BICC1: variants seen among roughly 807,000 people sequenced by gnomAD.
The protein encoded by BICC1 is protein bicaudal C homolog 1.
BICC1 carries 43 observed loss-of-function variants against 111.0 expected under a neutral mutation model. The observed-to-expected ratio is 0.39, with a 90% CI of 0.30 to 0.50. The LOEUF is 0.50. Ranked by LOEUF, BICC1 falls within the 20% of genes least tolerant of loss-of-function variation. BICC1 has a pLI of 0.88. For synonymous variants in BICC1, 467 were observed against 434.4 expected (o/e 1.07, Z -0.93); for missense variants, 1,091 against 1,203.2 (o/e 0.91, Z 1.38).
chr10:58,686,224 C>G (rs189319425), intron 2 of BICC1, among the ~76,000 whole-genome samples: 1 of 152,142 alleles, frequency 6.6e-6, no homozygotes, highest in Non-Finnish European at 1.5e-5. Flanking sequence ...GAGTTTCTGC[C>G]GAGAGATCTG....
Position 58,645,356 on chromosome 10 carries a change from G to A in BICC1, c.237+24455G>A, listed in dbSNP as rs1046976302. ...CGGGAGGCGGAGCTTGCAGTGAGCCGAGATCGCGCCACTGCGCTCCAGCCT... is the reference window on the plus strand; with the variant it reads ...CGGGAGGCGGAGCTTGCAGTGAGCCAAGATCGCGCCACTGCGCTCCAGCCT... On this transcript the variant is annotated intron_variant, in intron 2 of 20. Coordinates refer to ENST00000373886, the MANE Select transcript of BICC1 (RefSeq NM_001080512.3). Among the ~76,000 whole-genome samples, 7 of 135,914 alleles carry A rather than the reference G, an allele frequency of 5.2e-5. No individual in the cohort carries two copies. In the Middle Eastern group the frequency reaches 0.015, roughly 288 times the overall value. The allele number at this position is 135,914 out of a possible 152,430, so 89.2% of individuals were successfully genotyped here. A position where few individuals can be genotyped will look rare whatever the true frequency, so the allele number is the denominator to read the frequency against.
intron 2 of BICC1, among the ~76,000 whole-genome samples, chr10:58,698,133 C>G (rs966652216): frequency 6.6e-6 from 1 of 152,222 alleles, no homozygotes; most frequent in African/African-American, 2.4e-5. Context: ...TGTGTAATCA[C>G]TGCACTGGCC....
intron 3 of BICC1, among the ~76,000 whole-genome samples, chr10:58,703,131 A>T (rs1194047006): frequency 6.7e-6 from 1 of 148,570 alleles, no homozygotes; most frequent in Non-Finnish European, 1.5e-5. Context: ...ACTTGAATTG[A>T]CTGGAATTCC....
At chr10:58,717,912 TC>T (rs1840798786) in intron 3 of BICC1, among the ~76,000 whole-genome samples, 1 of 152,144 alleles carries the variant, frequency 6.6e-6, no homozygotes, top group African/African-American at 2.4e-5. Flanking sequence ...TGCTTTCCTG[TC>T]CTAGGCCAAT....
In BICC1 at chr10:58,525,564, G is replaced by T. The variant is rs1842510191; in HGVS notation, c.190+12231G>T. On this transcript the variant is annotated intron_variant, in intron 1 of 20. Transcript: ENST00000373886. ...ATATCACACACTGGGGCCTGTTGTG[G>T]GGTGGGGGGAGGGGGGAGGGATAGC... Among the ~76,000 whole-genome samples the T allele has an allele frequency of 2.5e-5, 3 of 121,810 alleles. No homozygotes were observed. The Admixed American group carries it at 2.7e-4, about 11-fold the overall frequency. The allele number at this position is 121,810 out of a possible 152,430, so 79.9% of individuals were successfully genotyped here. A position where few individuals can be genotyped will look rare whatever the true frequency, so the allele number is the denominator to read the frequency against.
intron 1 of BICC1, among the ~76,000 whole-genome samples, chr10:58,514,790 A>G (rs1384763171): frequency 6.6e-6 from 1 of 152,234 alleles, no homozygotes; most frequent in Non-Finnish European, 1.5e-5. Context: ...GTTGCATTTC[A>G]GTAACTCATT....
In BICC1 at chr10:58,738,206, GT is replaced by G. The variant is rs776816800; in HGVS notation, c.307+36068del. On this transcript the variant is annotated intron_variant, in intron 3 of 20. Coordinates refer to ENST00000373886, the MANE Select transcript of BICC1 (RefSeq NM_001080512.3). ...GGTATTGCCTAGGTTTTCTTCTAGG[GT>G]TTTTATGGTTTTAGGTCTAACAATT... Among the ~76,000 whole-genome samples the G allele has an allele frequency of 5.9e-5, 9 of 152,258 alleles. No homozygotes were observed. The East Asian group carries it at 7.7e-4, about 13-fold the overall frequency.
At chr10:58,698,565 G>A (rs763552037) in intron 2 of BICC1, among the ~76,000 whole-genome samples, 124 of 152,202 alleles carry the variant, frequency 8.1e-4, no homozygotes, top group Non-Finnish European at 1.5e-3. Context: ...CTGAAACATG[G>A]CACACAGTAC....
intron 3 of BICC1, among the ~76,000 whole-genome samples, chr10:58,708,929 TA>T (rs1840486415): frequency 1.3e-5 from 2 of 152,270 alleles, no homozygotes; most frequent in African/African-American, 4.8e-5. Flanking sequence ...TACTTTTCCT[TA>T]AAAGGAAAAC....
At chr10:58,661,577 A>G (rs4141672) in intron 2 of BICC1, among the ~76,000 whole-genome samples, 151,824 of 152,228 alleles carry the variant, frequency 1, 75,712 homozygotes, top group Middle Eastern at 1. Context: ...GCTATTATTG[A>G]CAATGTTTAG....
rs2133015372 is a variant in BICC1 at position 58,830,794 on chromosome 10, T to C, written c.*1903T>C. The C allele has an allele frequency of 6.6e-6, 1 of 152,330 alleles. No individual in the cohort carries two copies. The highest frequency in any genetic ancestry group is 2.4e-5 in the African/African-American group (1 of 41,588). The allele number at this position is 152,330 out of a possible 1,614,324, so 9.4% of individuals were successfully genotyped here. ...CTGTGCATATGTGTACAAATGGTCA[T>C]GTGGATCATGTGATGATCATCCATC... On this transcript the variant is annotated 3_prime_UTR_variant, in exon 21 of 21. Transcript: ENST00000373886.
intron 15 of BICC1, among the ~76,000 whole-genome samples, 196 bp downstream of exon 15, chr10:58,803,438 G>C (rs574510187): frequency 2.5e-4 from 38 of 152,290 alleles, no homozygotes; most frequent in African/African-American, 8.4e-4. Context: ...TACCTTAAGT[G>C]AGAATTCTTT....
At chr10:58,785,826 CTG>C (rs899557265) in intron 4 of BICC1, among the ~76,000 whole-genome samples, 1 of 152,182 alleles carries the variant, frequency 6.6e-6, no homozygotes, top group African/African-American at 2.4e-5. Flanking sequence ...CAAATCCAGG[CTG>C]TCTCATTCTT....
chr10:58,682,604 TTC>T (rs1839567783), intron 2 of BICC1, among the ~76,000 whole-genome samples: 1 of 152,228 alleles, frequency 6.6e-6, no homozygotes, highest in African/African-American at 2.4e-5. Flanking sequence ...TGATTTGCAT[TTC>T]TCTGATGGCC....
At chr10:58,680,845 A>G (rs1472655223) in intron 2 of BICC1, among the ~76,000 whole-genome samples, 1 of 152,258 alleles carries the variant, frequency 6.6e-6, no homozygotes, top group Non-Finnish European at 1.5e-5. Flanking sequence ...ATGGAACAGA[A>G]CAGAGGCCTC....
intron 3 of BICC1, among the ~76,000 whole-genome samples, chr10:58,728,369 A>G (rs940528659): frequency 6.6e-6 from 1 of 152,184 alleles, no homozygotes; most frequent in South Asian, 2.1e-4. Flanking sequence ...TTGCTTATCC[A>G]TTAGAAGCAA....
At chr10:58,632,046 A>G (rs1209558677) in intron 2 of BICC1, among the ~76,000 whole-genome samples, 1 of 152,194 alleles carries the variant, frequency 6.6e-6, no homozygotes, top group African/African-American at 2.4e-5. Context: ...GGTATTAACA[A>G]GATCAAGGAA....
chr10:58,777,840 T>A (rs926912829), intron 3 of BICC1, among the ~76,000 whole-genome samples: 1 of 152,222 alleles, frequency 6.6e-6, no homozygotes, highest in African/African-American at 2.4e-5. Context: ...GTTTTTGAAT[T>A]TAAAATACAT....
chr10:58,564,603 A>G (rs900068764), intron 1 of BICC1, among the ~76,000 whole-genome samples: 6 of 152,154 alleles, frequency 3.9e-5, no homozygotes, highest in African/African-American at 1.2e-4. Flanking sequence ...TACCTGTTCA[A>G]TTGCCCCTTG....
Sources: gnomAD v4.1 joint callset for allele counts (sites outside exome capture counted in the v4.1 genomes callset) on GRCh38, gnomAD v4.1.1 for gene constraint, MANE v1.5 for transcripts, NCBI Gene and HGNC (gene_info 2026-07-23, HGNC 2026-07-21) for gene names.